Variants in SLK observed in about 807,000 individuals in gnomAD.
SLK encodes the protein STE20 like kinase.
A neutral mutation model predicts 147.7 loss-of-function variants in SLK; 67 were observed. The ratio of observed to expected loss-of-function variants is 0.45; its 90% confidence interval spans 0.37 to 0.56. The LOEUF is 0.56. Among genes scored for constraint, SLK ranks in the 20% least tolerant of loss-of-function variants. The probability of loss-of-function intolerance (pLI) is 0.00; values close to 1 mark genes in which losing one functional copy is unlikely to be tolerated. For missense variants in SLK, 1,136 were observed against 1,438.8 expected (o/e 0.79, Z 3.41); for synonymous variants, 441 against 475.0 (o/e 0.93, Z 0.93).
intron 10 of SLK, 60 bp from the exon 11 acceptor site, chr10:104,005,852 A>G: frequency 6.4e-7 from 1 of 1,550,502 alleles, no homozygotes; most frequent in East Asian, 2.3e-5. Context: ...TTAAAAAAAA[A>G]CGTATTTCAG....
At chr10:104,025,483 G>A (rs1224967751) in intron 18 of SLK, 91 bp from the exon 19 acceptor site, 1 of 1,265,626 alleles carries the variant, frequency 7.9e-7, no homozygotes, top group Non-Finnish European at 1.1e-6. Context: ...CAAAGAAAGT[G>A]TTTTGGACAA....
At chr10:103,968,308 A>G (rs1187086336) in intron 1 of SLK, among the ~76,000 whole-genome samples, 1 of 152,244 alleles carries the variant, frequency 6.6e-6, no homozygotes. Context: ...TTTAGGGTCC[A>G]GTATATATAT....
At chr10:103,982,302 G>A (rs1284530827) in intron 1 of SLK, among the ~76,000 whole-genome samples, 1 of 152,120 alleles carries the variant, frequency 6.6e-6, no homozygotes, top group Admixed American at 6.5e-5. Flanking sequence ...GCTGCTCAGA[G>A]TCAATAAGTC....
chr10:103,974,169 T>C (rs1589524013), intron 1 of SLK, among the ~76,000 whole-genome samples: 3 of 152,178 alleles, frequency 2.0e-5, no homozygotes, highest in African/African-American at 7.2e-5. Flanking sequence ...TCTTGTATTA[T>C]TTATTTGACA....
chr10:103,996,556 G>A (rs1186381101), intron 4 of SLK, among the ~76,000 whole-genome samples: 2 of 151,584 alleles, frequency 1.3e-5, no homozygotes, highest in African/African-American at 2.4e-5. Context: ...CCGTCACCAC[G>A]CCCAGCTAAT....
chr10:104,019,986 C>A, intron 16 of SLK, 64 bp downstream of exon 16: 1 of 1,278,836 alleles, frequency 7.8e-7, no homozygotes, highest in South Asian at 1.4e-5. Flanking sequence ...ATTAGAAGTT[C>A]TACAAAATTC....
At chr10:103,980,072 T>C (rs2134452378) in intron 1 of SLK, among the ~76,000 whole-genome samples, 1 of 152,302 alleles carries the variant, frequency 6.6e-6, no homozygotes, top group Non-Finnish European at 1.5e-5. Flanking sequence ...TCTATGTAGA[T>C]ACCCAGTTGT....
chr10:103,980,345 G>A (rs1189262107), intron 1 of SLK, among the ~76,000 whole-genome samples: 1 of 152,030 alleles, frequency 6.6e-6, no homozygotes, highest in Non-Finnish European at 1.5e-5. Flanking sequence ...TTTATATCCT[G>A]TGAAGATTCA....
chr10:103,994,500 CTTTCT>C (rs1459367806), intron 4 of SLK, among the ~76,000 whole-genome samples: 6 of 151,988 alleles, frequency 3.9e-5, no homozygotes, highest in Non-Finnish European at 7.4e-5. Flanking sequence ...TCCCCCATTC[CTTTCT>C]TTTCTTTATA....
intron 13 of SLK, among the ~76,000 whole-genome samples, chr10:104,012,460 G>A (rs916181572): frequency 3.3e-5 from 5 of 152,070 alleles, no homozygotes; most frequent in African/African-American, 7.2e-5. Flanking sequence ...AATAGCAAAC[G>A]CAGCATTTAC....
chr10:103,999,724 AAT>A, intron 6 of SLK, 141 bp from the exon 7 acceptor site: 3 of 512,634 alleles, frequency 5.9e-6, no homozygotes, highest in South Asian at 7.1e-5. Context: ...ACAAAATCTT[AAT>A]AGTCTCATTA....
At chr10:104,021,477 C>G in intron 17 of SLK, 143 bp from the exon 18 acceptor site, 1 of 546,978 alleles carries the variant, frequency 1.8e-6, no homozygotes, top group South Asian at 2.2e-5. Context: ...TAATTCATGG[C>G]CCTTGGTTTT....
intron 3 of SLK, 136 bp from the exon 4 acceptor site, chr10:103,992,848 G>A (rs1844118917): frequency 4.7e-6 from 2 of 426,268 alleles, no homozygotes; most frequent in South Asian, 6.2e-5. Flanking sequence ...TGTGATCTTT[G>A]TAGATATAGT....
chr10:103,995,427 T>C (rs1457613481), intron 4 of SLK, among the ~76,000 whole-genome samples: 31 of 88,560 alleles, frequency 3.5e-4, no homozygotes, highest in South Asian at 1.3e-3. Context: ...TCTTTTCTTT[T>C]TTTTTTTTTT....
At position 104,002,738 on chromosome 10, in the gene SLK, T is replaced by A; in HGVS notation, c.1560T>A (p.Val520=). 1 of 1,613,870 alleles carries A rather than the reference T, an allele frequency of 6.2e-7. No individual in the cohort carries two copies. Among genetic ancestry groups the A allele is most frequent in the Non-Finnish European group, 8.5e-7 (1 of 1,180,004 alleles). ...ATATTCAGGCAGTTGATAGTGAAGT[T>A]GGGCTTACAAAGGAAGACACCCAAG... ...EANIQAVDSE[V]GLTKEDTQEK... Residue 520 remains valine, a synonymous_variant, in exon 9 of 19, where the codon GTT becomes GTA. Transcript: ENST00000369755.
intron 13 of SLK, among the ~76,000 whole-genome samples, chr10:104,013,395 G>A (rs1303823061): frequency 6.6e-6 from 1 of 151,978 alleles, no homozygotes; most frequent in Non-Finnish European, 1.5e-5. Context: ...GATTTTTGGG[G>A]GTGAATTTTA....
At chr10:103,985,310 G>C (rs1020061754) in intron 1 of SLK, among the ~76,000 whole-genome samples, 1 of 152,152 alleles carries the variant, frequency 6.6e-6, no homozygotes, top group Non-Finnish European at 1.5e-5. Flanking sequence ...CTTTTCTAGA[G>C]CACATTTCGC....
chr10:104,007,681 A>G (rs1263173267), intron 11 of SLK, among the ~76,000 whole-genome samples: 1 of 151,830 alleles, frequency 6.6e-6, no homozygotes, highest in Non-Finnish European at 1.5e-5. Context: ...CTGTAATACC[A>G]GTATTTTGGG....
At chr10:104,017,217 A>T (rs893381415) in intron 13 of SLK, among the ~76,000 whole-genome samples, 2 of 152,256 alleles carry the variant, frequency 1.3e-5, no homozygotes, top group African/African-American at 4.8e-5. Context: ...TGTTTATAGA[A>T]TTCTGTGATT....
Sources: allele counts gnomAD v4.1 joint callset (sites outside exome capture counted in the v4.1 genomes callset), GRCh38; gene constraint gnomAD v4.1.1; transcripts MANE v1.5; gene names NCBI Gene and HGNC (gene_info 2026-07-23, HGNC 2026-07-21).